The following SLC26A7 variants were observed in gnomAD, a reference collection of about 807,000 sequenced individuals.
SLC26A7 encodes the protein solute carrier family 26 member 7.
Under a neutral mutation model 82.5 loss-of-function variants are expected in SLC26A7, and 59 were observed. That is an observed-to-expected ratio of 0.72 (90% confidence interval 0.58 to 0.89). The LOEUF (loss-of-function observed/expected upper bound fraction) is 0.89. Ranked by LOEUF, SLC26A7 falls within the 40% of genes least tolerant of loss-of-function variation. The probability of loss-of-function intolerance (pLI) is 0.00; values close to 1 mark genes in which losing one functional copy is unlikely to be tolerated. For synonymous variants in SLC26A7, 271 were observed against 274.3 expected (o/e 0.99, Z 0.12); for missense variants, 820 against 793.0 (o/e 1.03, Z -0.41).
At chr8:91,274,718 A>C (rs1221708521) in intron 2 of SLC26A7, among the ~76,000 whole-genome samples, 3 of 152,236 alleles carry the variant, frequency 2.0e-5, no homozygotes, top group Non-Finnish European at 4.4e-5. Flanking sequence ...TAATTGATAT[A>C]TCTCCAGTGC....
intron 15 of SLC26A7, among the ~76,000 whole-genome samples, chr8:91,378,721 C>T (rs2130891559): frequency 6.6e-6 from 1 of 151,700 alleles, no homozygotes; most frequent in Admixed American, 6.6e-5. Flanking sequence ...GGTCATTATA[C>T]AAGTTTCAAC....
chr8:91,251,666 A>C (rs977841516), intron 2 of SLC26A7, among the ~76,000 whole-genome samples: 5 of 152,022 alleles, frequency 3.3e-5, no homozygotes, highest in African/African-American at 1.2e-4. Context: ...CCCAAGACAC[A>C]GCAGTCTCCT....
At position 91,290,590 on chromosome 8, in the gene SLC26A7, G is replaced by A. The variant is rs58837462; in HGVS notation, c.304+1344G>A. On this transcript the variant is annotated intron_variant, in intron 3 of 18. Transcript: ENST00000276609. ...TTGCCTCCATTTTCCATGTTTAAAGGACACTTGTGATTACATTGGGCACAC... is the reference window on the plus strand; with the variant it reads ...TTGCCTCCATTTTCCATGTTTAAAGAACACTTGTGATTACATTGGGCACAC... 8.2e-3 allele frequency among the ~76,000 whole-genome samples: 1,255 copies of A among 152,184 alleles called. 20 individuals are homozygous for A. Among genetic ancestry groups the A allele is most frequent in the African/African-American group, 0.029 (1,196 of 41,520 alleles).
At chr8:91,293,121 C>A (rs1032708875) in intron 3 of SLC26A7, among the ~76,000 whole-genome samples, 9 of 151,968 alleles carry the variant, frequency 5.9e-5, no homozygotes, top group African/African-American at 1.9e-4. Flanking sequence ...AATAAGGAAG[C>A]TGAGAGAGGT....
At chr8:91,358,620 G>A (rs780706806) in intron 11 of SLC26A7, among the ~76,000 whole-genome samples, 33 of 151,998 alleles carry the variant, frequency 2.2e-4, no homozygotes, top group African/African-American at 6.3e-4. Flanking sequence ...GTGAGTCACC[G>A]CACCTGGCCG....
intron 2 of SLC26A7, among the ~76,000 whole-genome samples, chr8:91,222,714 C>G (rs552946870): frequency 5.9e-4 from 90 of 152,254 alleles, no homozygotes; most frequent in African/African-American, 1.9e-3. Context: ...CTGACTTGAT[C>G]GTGGTGGATA....
At chr8:91,327,707 G>A (rs1440178066) in intron 5 of SLC26A7, among the ~76,000 whole-genome samples, 1 of 152,156 alleles carries the variant, frequency 6.6e-6, no homozygotes, top group African/African-American at 2.4e-5. Flanking sequence ...AAAATAGTGT[G>A]CTGATAGATT....
At chr8:91,250,095 T>C (rs1239280487) in intron 2 of SLC26A7, among the ~76,000 whole-genome samples, 1 of 152,144 alleles carries the variant, frequency 6.6e-6, no homozygotes, top group African/African-American at 2.4e-5. Flanking sequence ...AAATTCACAC[T>C]GTTTTAGAGT....
intron 3 of SLC26A7, among the ~76,000 whole-genome samples, chr8:91,291,064 T>A (rs1811854587): frequency 6.6e-6 from 1 of 152,184 alleles, no homozygotes; most frequent in African/African-American, 2.4e-5. Context: ...TGTTTATATG[T>A]TTATGCATAT....
intron 2 of SLC26A7, among the ~76,000 whole-genome samples, chr8:91,260,312 G>A (rs1329023451): frequency 6.6e-6 from 1 of 152,068 alleles, no homozygotes; most frequent in Non-Finnish European, 1.5e-5. Context: ...TCACTATCAC[G>A]AGAACGTCAT....
intron 15 of SLC26A7, among the ~76,000 whole-genome samples, 166 bp downstream of exon 15, chr8:91,369,999 G>A (rs1364578502): frequency 2.0e-5 from 3 of 151,250 alleles, no homozygotes; most frequent in African/African-American, 7.3e-5. Context: ...CCCTTCTACT[G>A]GCGTTAGCTT....
intron 2 of SLC26A7, among the ~76,000 whole-genome samples, chr8:91,278,291 G>A (rs558451706): frequency 1.6e-4 from 25 of 152,060 alleles, no homozygotes; most frequent in African/African-American, 4.3e-4. Flanking sequence ...TTGCAGAGCT[G>A]CAAGAGACGG....
At chr8:91,315,128 C>T (rs1015917130) in intron 4 of SLC26A7, among the ~76,000 whole-genome samples, 1 of 152,090 alleles carries the variant, frequency 6.6e-6, no homozygotes, top group African/African-American at 2.4e-5. Flanking sequence ...TGATGATGGT[C>T]TATACAAGGC....
At chr8:91,369,572 A>C (rs1814296361) in intron 14 of SLC26A7, among the ~76,000 whole-genome samples, 1 of 152,204 alleles carries the variant, frequency 6.6e-6, no homozygotes, top group East Asian at 1.9e-4. Flanking sequence ...CTGATAACAT[A>C]AATTATTTAA....
chr8:91,227,428 A>G (rs1287201639), intron 2 of SLC26A7, among the ~76,000 whole-genome samples: 2 of 152,188 alleles, frequency 1.3e-5, no homozygotes, highest in Non-Finnish European at 2.9e-5. Context: ...AGAAGAATAT[A>G]TATTATTTTA....
chr8:91,342,445 G>A (rs7846063), intron 8 of SLC26A7, among the ~76,000 whole-genome samples: 23,055 of 152,230 alleles, frequency 0.15, 2,338 homozygotes, highest in Non-Finnish European at 0.23. Flanking sequence ...AGGGGAATTT[G>A]CAATAATCCA....
At chr8:91,226,444 C>T (rs1011324517) in intron 2 of SLC26A7, among the ~76,000 whole-genome samples, 18 of 152,166 alleles carry the variant, frequency 1.2e-4, no homozygotes, top group African/African-American at 3.9e-4. Context: ...CTAATAAATA[C>T]GTTAAGGATG....
chr8:91,250,851 C>G (rs1441518439), intron 2 of SLC26A7, among the ~76,000 whole-genome samples: 1 of 152,080 alleles, frequency 6.6e-6, no homozygotes, highest in Non-Finnish European at 1.5e-5. Context: ...ATCCATAATA[C>G]TGTCATACTT....
intron 16 of SLC26A7, among the ~76,000 whole-genome samples, chr8:91,390,761 A>G (rs1814943255): frequency 6.6e-6 from 1 of 152,088 alleles, no homozygotes. Context: ...AAGCTGCCAC[A>G]TTTTTAATGG....
Sources: gnomAD v4.1 joint callset for allele counts (sites outside exome capture counted in the v4.1 genomes callset) on GRCh38, gnomAD v4.1.1 for gene constraint, MANE v1.5 for transcripts, NCBI Gene and HGNC (gene_info 2026-07-23, HGNC 2026-07-21) for gene names.